POU6F2: variants seen among roughly 807,000 people sequenced by gnomAD.
POU6F2 encodes POU domain, class 6, transcription factor 2.
A neutral mutation model predicts 71.3 loss-of-function variants in POU6F2; 31 were observed. The observed-to-expected ratio is 0.43, with a 90% confidence interval of 0.33 to 0.59. The LOEUF (loss-of-function observed/expected upper bound fraction) is 0.59, where lower values mean the gene tolerates loss of function less well. POU6F2 is among the 20% of genes least tolerant of loss of function. The probability of loss-of-function intolerance (pLI) is 0.04; values close to 1 mark genes in which losing one functional copy is unlikely to be tolerated. For synonymous variants in POU6F2, 347 were observed against 355.7 expected, an observed-to-expected ratio of 0.98 and a Z score of 0.27; for missense variants, 783 against 856.8, an observed-to-expected ratio of 0.91 and a Z score of 1.07.
intron 1 of POU6F2, among the ~76,000 whole-genome samples, chr7:39,080,928 T>C (rs975582645): frequency 5.9e-5 from 9 of 152,206 alleles, no homozygotes; most frequent in Non-Finnish European, 7.3e-5. Context: ...CATATTTGTT[T>C]ATGTGGTATT....
intron 1 of POU6F2, among the ~76,000 whole-genome samples, chr7:39,046,266 T>C (rs1043235893): frequency 6.6e-6 from 1 of 151,914 alleles, no homozygotes; most frequent in East Asian, 1.9e-4. Flanking sequence ...TTGGCGAAAG[T>C]ATATTTAAAT....
chr7:39,228,587 C>G (rs1415943401), intron 4 of POU6F2, among the ~76,000 whole-genome samples: 1 of 152,156 alleles, frequency 6.6e-6, no homozygotes. Flanking sequence ...GAAAATAAAG[C>G]GGGGTGGTTA....
At chr7:39,253,209 A>G (rs1201717279) in intron 4 of POU6F2, among the ~76,000 whole-genome samples, 1 of 152,172 alleles carries the variant, frequency 6.6e-6, no homozygotes, top group Non-Finnish European at 1.5e-5. Context: ...AGCTACATGG[A>G]AGGGTGGTTT....
chr7:39,173,691 T>C (rs1311950415), intron 2 of POU6F2, among the ~76,000 whole-genome samples: 2 of 152,248 alleles, frequency 1.3e-5, no homozygotes, highest in African/African-American at 2.4e-5. Flanking sequence ...TGGAATCACG[T>C]ACCTCTTTGT....
intron 1 of POU6F2, among the ~76,000 whole-genome samples, chr7:39,020,322 T>G (rs1457830956): frequency 6.6e-6 from 1 of 152,218 alleles, no homozygotes; most frequent in African/African-American, 2.4e-5. Flanking sequence ...CTCAAATATC[T>G]ACTTCAAGAT....
At chr7:39,384,541 T>C (rs1211759271) in intron 5 of POU6F2, among the ~76,000 whole-genome samples, 1 of 148,212 alleles carries the variant, frequency 6.7e-6, no homozygotes, top group African/African-American at 2.5e-5. Context: ...TGCTATAAAT[T>C]AAAATAATGA....
Position 39,207,374 on chromosome 7 carries a change from G to C in POU6F2, c.370-18G>C, listed in dbSNP as rs765166699. 3.1e-6 allele frequency: 5 copies of C among 1,611,500 alleles called. No homozygotes were observed. The highest frequency in any genetic ancestry group is 1.1e-5 in the South Asian group (1 of 90,968). On this transcript the variant is annotated intron_variant, in intron 3 of 9. Transcript: ENST00000518318. ...GGTTCCACAGGAAAGTGAGCTAGCTGTATCTGTTTCCTTGCAGCCACTTCT... is the reference window on the plus strand; with the variant it reads ...GGTTCCACAGGAAAGTGAGCTAGCTCTATCTGTTTCCTTGCAGCCACTTCT...
At chr7:39,358,619 T>G (rs1169118865) in intron 5 of POU6F2, among the ~76,000 whole-genome samples, 1 of 152,188 alleles carries the variant, frequency 6.6e-6, no homozygotes, top group East Asian at 1.9e-4. Flanking sequence ...GAGATGTTAT[T>G]TAAGGCTCAA....
At chr7:39,437,269 T>C (rs1437508013) in intron 7 of POU6F2, among the ~76,000 whole-genome samples, 1 of 152,242 alleles carries the variant, frequency 6.6e-6, no homozygotes, top group Non-Finnish European at 1.5e-5. Context: ...TTTTGGTTGG[T>C]AGGCTATTAA....
At chr7:39,174,285 A>G (rs765475702) in intron 2 of POU6F2, among the ~76,000 whole-genome samples, 9 of 152,324 alleles carry the variant, frequency 5.9e-5, no homozygotes, top group Non-Finnish European at 1.0e-4. Flanking sequence ...GGCACATCAC[A>G]GTTAGAAAAC....
At chr7:39,430,482 C>T (rs566723302) in intron 6 of POU6F2, among the ~76,000 whole-genome samples, 272 of 152,312 alleles carry the variant, frequency 1.8e-3, no homozygotes, top group African/African-American at 6.1e-3. Flanking sequence ...ACATAGGCAG[C>T]GCCATGTTTT....
At chr7:39,108,160 A>G (rs957803235) in intron 2 of POU6F2, among the ~76,000 whole-genome samples, 1 of 152,172 alleles carries the variant, frequency 6.6e-6, no homozygotes, top group Non-Finnish European at 1.5e-5. Flanking sequence ...TAACCGCCTC[A>G]TCTGGTTATG....
intron 2 of POU6F2, among the ~76,000 whole-genome samples, chr7:39,191,902 G>T (rs1352157777): frequency 6.6e-6 from 1 of 152,128 alleles, no homozygotes; most frequent in African/African-American, 2.4e-5. Context: ...TGGCTGGTTG[G>T]TTTTTTATAA....
intron 4 of POU6F2, among the ~76,000 whole-genome samples, chr7:39,242,381 C>CT (rs70977467): frequency 0.25 from 37,119 of 147,182 alleles, 5,174 homozygotes; most frequent in African/African-American, 0.39. Flanking sequence ...TTTTGTTTTG[C>CT]TTTTTTTTTT....
chr7:39,292,936 G>A (rs866532305), intron 4 of POU6F2, among the ~76,000 whole-genome samples: 2 of 152,130 alleles, frequency 1.3e-5, no homozygotes, highest in Non-Finnish European at 2.9e-5. Context: ...TAGGCTGTGC[G>A]CAAATGAGCC....
rs544490191 is a variant in POU6F2 at position 39,119,178 on chromosome 7, C to T, written c.277+33147C>T. On this transcript the variant is annotated intron_variant, in intron 2 of 9. Coordinates refer to ENST00000518318, the MANE Select transcript of POU6F2 (RefSeq NM_001370959.1). ...CCACACAGGGGAGGCAAGGTCTGGA[C>T]AGCAACCAATCCTGTTAGGAATAGA... is the stretch of plus-strand genomic sequence containing the variant. 1.9e-4 allele frequency among the ~76,000 whole-genome samples: 29 copies of T among 152,196 alleles called. No homozygotes were observed. The East Asian group carries it at 2.3e-3, about 12-fold the overall frequency.
intron 5 of POU6F2, among the ~76,000 whole-genome samples, chr7:39,351,849 A>T (rs549821669): frequency 1.1e-4 from 17 of 152,190 alleles, no homozygotes; most frequent in Admixed American, 2.0e-4. Flanking sequence ...TTAAACTCAG[A>T]TCTATCTGAT....
intron 2 of POU6F2, among the ~76,000 whole-genome samples, chr7:39,185,158 G>T (rs1352474966): frequency 1.3e-5 from 2 of 151,548 alleles, no homozygotes; most frequent in African/African-American, 4.8e-5. Flanking sequence ...ATGGCTGCAA[G>T]TACACTTCAG....
At chr7:39,375,158 T>C (rs928649515) in intron 5 of POU6F2, among the ~76,000 whole-genome samples, 2 of 152,154 alleles carry the variant, frequency 1.3e-5, no homozygotes, top group South Asian at 2.1e-4. Context: ...TTACCTGATA[T>C]TATGTTGTGG....
Sources: gnomAD v4.1 joint callset for allele counts (sites outside exome capture counted in the v4.1 genomes callset) on GRCh38, gnomAD v4.1.1 for gene constraint, MANE v1.5 for transcripts, NCBI Gene and HGNC (gene_info 2026-07-23, HGNC 2026-07-21) for gene names.